EYS: variants seen among roughly 807,000 people sequenced by gnomAD.
EYS encodes the protein protein eyes shut homolog.
In EYS, 250 loss-of-function variants were observed where a neutral mutation model predicts 282.1. The ratio of observed to expected loss-of-function variants is 0.89; its 90% CI spans 0.80 to 0.98. The LOEUF is 0.98. Among genes scored for constraint, EYS ranks in the 50% least tolerant of loss-of-function variants. EYS has a pLI of 0.00. For synonymous variants in EYS, 1,355 were observed against 1,282.9 expected (o/e 1.06, Z -1.20); for missense variants, 4,016 against 3,709.0 (o/e 1.08, Z -2.15).
intron 15 of EYS, among the ~76,000 whole-genome samples, chr6:64,943,634 G>A (rs2150094524): frequency 6.6e-6 from 1 of 151,886 alleles, no homozygotes; most frequent in African/African-American, 2.4e-5. Flanking sequence ...AAAAAAGCAA[G>A]GAATACATCT....
At chr6:65,700,533 C>T (rs919819775) in intron 1 of EYS, among the ~76,000 whole-genome samples, 1 of 152,100 alleles carries the variant, frequency 6.6e-6, no homozygotes, top group African/African-American at 2.4e-5. Context: ...TAGTATTGAT[C>T]TAAATGTTTT....
intron 24 of EYS, among the ~76,000 whole-genome samples, chr6:64,594,685 C>A (rs1766522706): frequency 9.5e-6 from 1 of 105,418 alleles, no homozygotes; most frequent in South Asian, 3.0e-4. Context: ...ACACCGGGGA[C>A]TGTTGTGGGG....
intron 12 of EYS, among the ~76,000 whole-genome samples, chr6:65,202,435 A>C (rs551842292): frequency 6.6e-6 from 1 of 152,216 alleles, no homozygotes; most frequent in African/African-American, 2.4e-5. Flanking sequence ...TTCCCTGAGT[A>C]GTCTGTTGGT....
chr6:65,213,718 C>T (rs1236147775), intron 12 of EYS, among the ~76,000 whole-genome samples: 3 of 152,152 alleles, frequency 2.0e-5, no homozygotes, highest in African/African-American at 7.2e-5. Context: ...CTCTGCCTCT[C>T]CTCAGGCCTA....
chr6:64,805,088 A>T (rs964144997), intron 22 of EYS, among the ~76,000 whole-genome samples: 1 of 152,030 alleles, frequency 6.6e-6, no homozygotes, highest in Non-Finnish European at 1.5e-5. Flanking sequence ...CTTATTTTGA[A>T]ATCAATTAGT....
intron 29 of EYS, among the ~76,000 whole-genome samples, chr6:64,315,646 G>A (rs897275597): frequency 4.2e-5 from 6 of 144,098 alleles, no homozygotes; most frequent in East Asian, 4.2e-4. Context: ...CCACAAAGAG[G>A]AGCTGGTACC....
chr6:65,370,868 AC>A (rs1443889357), intron 8 of EYS, among the ~76,000 whole-genome samples: 1 of 151,888 alleles, frequency 6.6e-6, no homozygotes, highest in African/African-American at 2.4e-5. Context: ...GAAAGTTAGT[AC>A]CATATAAAGA....
At chr6:64,886,388 C>T (rs1308553672) in intron 19 of EYS, among the ~76,000 whole-genome samples, 1 of 151,844 alleles carries the variant, frequency 6.6e-6, no homozygotes, top group African/African-American at 2.4e-5. Context: ...AATGTTATTT[C>T]TGTTAGATTA....
At chr6:64,597,753 G>A (rs919211741) in intron 24 of EYS, among the ~76,000 whole-genome samples, 1 of 151,924 alleles carries the variant, frequency 6.6e-6, no homozygotes, top group Non-Finnish European at 1.5e-5. Context: ...AATTACTTGT[G>A]GTTACAATGT....
At chr6:64,784,320 C>T (rs1175264908) in intron 22 of EYS, among the ~76,000 whole-genome samples, 4 of 151,956 alleles carry the variant, frequency 2.6e-5, no homozygotes, top group Middle Eastern at 3.5e-3. Flanking sequence ...GTTGTATATA[C>T]TTTATATATA....
chr6:65,481,676 GTA>G (rs1765611229), intron 5 of EYS, among the ~76,000 whole-genome samples: 1 of 152,174 alleles, frequency 6.6e-6, no homozygotes, highest in African/African-American at 2.4e-5. Flanking sequence ...AGCCTCCTGA[GTA>G]GCTGGGACTA....
chr6:65,139,797 AGG>A (rs1764283579), intron 12 of EYS, among the ~76,000 whole-genome samples: 1 of 152,040 alleles, frequency 6.6e-6, no homozygotes, highest in African/African-American at 2.4e-5. Flanking sequence ...AGCATTCTGG[AGG>A]TTTCTCAAAT....
rs140602269 is a variant in EYS, at chr6:65,398,449, C to A, written c.1184+4029G>T. Among the ~76,000 whole-genome samples, 623 of 151,938 alleles carry A rather than the reference C, an allele frequency of 4.1e-3. 5 individuals are homozygous for A. The highest frequency in any genetic ancestry group is 0.014 in the African/African-American group (590 of 41,498). The stretch of plus-strand genomic sequence containing the variant: ...CAGAAGAATAAAACTAGACCCCTAT[C>A]TTTTACCATATTCAAAAATTAACTC... On this transcript the variant is annotated intron_variant, in intron 7 of 42. Coordinates refer to ENST00000503581, the MANE Select transcript of EYS (RefSeq NM_001142800.2).
chr6:65,616,108 T>G (rs555786195), intron 2 of EYS, among the ~76,000 whole-genome samples: 5 of 152,172 alleles, frequency 3.3e-5, no homozygotes, highest in African/African-American at 1.2e-4. Context: ...GTAATTAATT[T>G]TATTAAATTA....
intron 14 of EYS, among the ~76,000 whole-genome samples, chr6:64,966,192 T>C (rs887727246): frequency 2.0e-5 from 3 of 152,194 alleles, no homozygotes; most frequent in Admixed American, 2.0e-4. Flanking sequence ...ATTATTTATA[T>C]AGATAAGTAT....
intron 11 of EYS, chr6:65,331,160 A>G (rs184318412): frequency 1.1e-6 from 1 of 879,512 alleles, no homozygotes; most frequent in African/African-American, 1.8e-5. Flanking sequence ...AATATATATA[A>G]CATGATAATT....
intron 2 of EYS, among the ~76,000 whole-genome samples, chr6:65,541,368 T>C (rs1440971829): frequency 1.1e-4 from 17 of 151,300 alleles, no homozygotes; most frequent in Admixed American, 7.9e-4. Flanking sequence ...TTTACGAACA[T>C]TTGTTCATGA....
chr6:65,234,731 T>C (rs1416030450), intron 12 of EYS, among the ~76,000 whole-genome samples: 1 of 152,208 alleles, frequency 6.6e-6, no homozygotes, highest in African/African-American at 2.4e-5. Flanking sequence ...TATTGTCAGT[T>C]AGCAGGCATA....
At chr6:65,689,325 G>A (rs970183565) in intron 1 of EYS, among the ~76,000 whole-genome samples, 23 of 149,612 alleles carry the variant, frequency 1.5e-4, no homozygotes, top group African/African-American at 3.4e-4. Context: ...ATTGAACAAT[G>A]AGAACACATG....
Sources: allele counts gnomAD v4.1 joint callset (sites outside exome capture counted in the v4.1 genomes callset), GRCh38; gene constraint gnomAD v4.1.1; transcripts MANE v1.5; gene names NCBI Gene and HGNC (gene_info 2026-07-23, HGNC 2026-07-21).